Variants in SMAD2 observed in about 807,000 individuals in gnomAD.
SMAD2 encodes the protein MAD homolog 2.
In SMAD2, 8 loss-of-function variants were observed where a neutral mutation model predicts 64.4. The observed-to-expected ratio is 0.12, with a 90% CI of 0.07 to 0.22. The LOEUF (loss-of-function observed/expected upper bound fraction) is 0.22, where lower values mean the gene tolerates loss of function less well. SMAD2 is among the 10% of genes least tolerant of loss of function. SMAD2 has a pLI of 1.00. For synonymous variants in SMAD2, 203 were observed against 195.8 expected (o/e 1.04, Z -0.31); for missense variants, 289 against 561.2 (o/e 0.51, Z 4.90).
At chr18:47,856,268 A>G (rs2030672085) in intron 6 of SMAD2, among the ~76,000 whole-genome samples, 1 of 152,146 alleles carries the variant, frequency 6.6e-6, no homozygotes, top group Admixed American at 6.5e-5. Flanking sequence ...CCAGAGATCT[A>G]ATGTACAACC....
At chr18:47,874,228 T>C (rs1225075651) in intron 2 of SMAD2, among the ~76,000 whole-genome samples, 1 of 152,184 alleles carries the variant, frequency 6.6e-6, no homozygotes, top group East Asian at 1.9e-4. Context: ...CTAAGGATCT[T>C]GAATAGCAAA....
intron 6 of SMAD2, among the ~76,000 whole-genome samples, chr18:47,853,684 G>C (rs1269610099): frequency 6.6e-6 from 1 of 152,120 alleles, no homozygotes; most frequent in African/African-American, 2.4e-5. Context: ...TTAGTTTTTA[G>C]AAGACAGTAC....
chr18:47,850,511 TATAA>T (rs1424619540), intron 7 of SMAD2, among the ~76,000 whole-genome samples: 1 of 34,544 alleles, frequency 2.9e-5, no homozygotes, highest in Non-Finnish European at 4.5e-5. Flanking sequence ...ATGTTATATA[TATAA>T]TATATATTAT....
At position 47,822,731 on chromosome 18, in the gene SMAD2, A is replaced by G. The variant is rs1792663; in HGVS notation, c.*19096T>C. The G allele has an allele frequency of 0.46, 70,367 of 152,200 alleles. 16,948 individuals carry two copies. The highest frequency in any genetic ancestry group is 0.59 in the East Asian group (3,046 of 5,176). The allele number at this position is 152,200 out of a possible 1,614,324, so 9.4% of individuals were successfully genotyped here. On this transcript the variant is annotated 3_prime_UTR_variant, in exon 11 of 11. Transcript: ENST00000262160. ...GTCTCGCTCTGTTGCCCCAGCTGGA[A>G]TGCAGTGGCACGATCTTGTTTCAGT... is the stretch of plus-strand genomic sequence containing the variant.
rs1163183069 is a variant in SMAD2, at chr18:47,813,212, A to AAAATAACT, written c.*28607_*28614dup. On this transcript the variant is annotated 3_prime_UTR_variant, in exon 11 of 11. Transcript: ENST00000262160. ...GCCTGAGTGATGAAACTTGGTCTCA[A>AAAATAACT]AAATAACTAAATAACTAAATAAAAT... 2 of 152,086 alleles carry AAAATAACT rather than the reference A, an allele frequency of 1.3e-5. No individual in the cohort carries two copies. Among genetic ancestry groups the AAAATAACT allele is most frequent in the East Asian group, 1.9e-4 (1 of 5,192 alleles). 9.4% of individuals were successfully genotyped at this position (152,086 alleles called of 1,614,324 possible). A position where few individuals can be genotyped will look rare whatever the true frequency, so the allele number is the denominator to read the frequency against.
Position 47,853,838 on chromosome 18 carries a change from C to G in SMAD2, c.731-2511G>C, listed in dbSNP as rs563794655. Among the ~76,000 whole-genome samples the G allele has an allele frequency of 6.6e-5, 10 of 152,208 alleles. 1 individual carries two copies. The South Asian group carries it at 2.1e-3, about 32-fold the overall frequency. On this transcript the variant is annotated intron_variant, in intron 6 of 10. Transcript: ENST00000262160. ...AAGATAGGTCAAAACATATTTGGAA[C>G]AATGAGCTAAAATTCACTGCTGTTT...
chr18:47,901,762 G>C (rs190127714), intron 1 of SMAD2, among the ~76,000 whole-genome samples: 228 of 152,250 alleles, frequency 1.5e-3, no homozygotes, highest in African/African-American at 5.4e-3. Flanking sequence ...AGACTCTGCA[G>C]AGCCTTCATT....
chr18:47,881,258 T>A (rs181138679), intron 2 of SMAD2, among the ~76,000 whole-genome samples: 12 of 152,312 alleles, frequency 7.9e-5, no homozygotes, highest in Admixed American at 6.5e-4. Context: ...CACAACTCCC[T>A]CTTCATTTGT....
At position 47,869,430 on chromosome 18, in the gene SMAD2, A is replaced by C. The variant is rs1000681029; in HGVS notation, c.333T>G (p.Leu111=). ...GATGGGATACCTGGAGACGACCATC[A>C]AGAGACCTGTTGGGAAGCAAGGGGA... The part of the protein sequence containing the change: ...LYSFSEQTRS[L]DGRLQVSHRK... Residue 111 remains leucine, a synonymous_variant, in exon 4 of 11, where the codon CTT becomes CTG. Transcript: ENST00000262160. 11 of 1,612,508 alleles carry C rather than the reference A, an allele frequency of 6.8e-6. No homozygotes were observed. The highest frequency in any genetic ancestry group is 1.3e-5 in the African/African-American group (1 of 74,702).
chr18:47,840,793 T>C lies in SMAD2; in HGVS notation c.*1034A>G, dbSNP rs1024174861. The C allele has an allele frequency of 5.2e-5, 12 of 231,510 alleles. No individual in the cohort carries two copies. Among genetic ancestry groups the C allele is most frequent in the African/African-American group, 2.4e-4 (11 of 45,280 alleles). 14.3% of individuals were successfully genotyped at this position (231,510 alleles called of 1,614,324 possible). On this transcript the variant is annotated 3_prime_UTR_variant, in exon 11 of 11. Transcript: ENST00000262160. ...AATACCTTTGGAAAAACGGTATTTA[T>C]AGATTAGCTTTTTTAAAAAGGGATA...
chr18:47,897,509 CTGTTT>C (rs2033493452), intron 1 of SMAD2, among the ~76,000 whole-genome samples: 1 of 152,170 alleles, frequency 6.6e-6, no homozygotes, highest in Admixed American at 6.5e-5. Flanking sequence ...TTTTATTAAG[CTGTTT>C]TGTCTATTCA....
intron 8 of SMAD2, among the ~76,000 whole-genome samples, chr18:47,848,076 G>A (rs1352197133): frequency 6.6e-6 from 1 of 151,628 alleles, no homozygotes; most frequent in Non-Finnish European, 1.5e-5. Context: ...ACTCACCAAA[G>A]GGGGAAAAAA....
intron 6 of SMAD2, among the ~76,000 whole-genome samples, chr18:47,855,799 G>GT (rs963295702): frequency 1.3e-5 from 2 of 151,938 alleles, no homozygotes; most frequent in African/African-American, 4.8e-5. Flanking sequence ...TTTCAGTTTT[G>GT]TTTTTTAATT....
chr18:47,904,751 T>G (rs1343816079), intron 1 of SMAD2, among the ~76,000 whole-genome samples: 1 of 152,194 alleles, frequency 6.6e-6, no homozygotes, highest in Non-Finnish European at 1.5e-5. Flanking sequence ...TCATTTATAG[T>G]ACAAAGGAGA....
rs975417831 is a variant in SMAD2, at chr18:47,813,468, G to T, written c.*28359C>A. Reference sequence around the variant, plus strand: ...GTCACCCAGGCTGGAGTGCAGTGGCGCAATCTCGGCTCACTGCAACCTCTG... The same window carrying T: ...GTCACCCAGGCTGGAGTGCAGTGGCTCAATCTCGGCTCACTGCAACCTCTG... On this transcript the variant is annotated 3_prime_UTR_variant, in exon 11 of 11. Transcript: ENST00000262160. The T allele has an allele frequency of 6.8e-6, 1 of 147,430 alleles. No individual in the cohort carries two copies. The highest frequency in any genetic ancestry group is 2.5e-5 in the African/African-American group (1 of 39,914). 9.1% of individuals were successfully genotyped at this position (147,430 alleles called of 1,614,324 possible). A position where few individuals can be genotyped will look rare whatever the true frequency, so the allele number is the denominator to read the frequency against.
At chr18:47,919,746 T>C (rs1014025840) in intron 1 of SMAD2, among the ~76,000 whole-genome samples, 1 of 152,014 alleles carries the variant, frequency 6.6e-6, no homozygotes, top group Non-Finnish European at 1.5e-5. Flanking sequence ...AAATGATAAA[T>C]GGATGGGGGT....
At chr18:47,851,662 C>A (rs1396281988) in intron 6 of SMAD2, among the ~76,000 whole-genome samples, 3 of 152,082 alleles carry the variant, frequency 2.0e-5, no homozygotes, top group Non-Finnish European at 4.4e-5. Context: ...TGTGTCCTTT[C>A]TTTTCATATA....
rs147824515 is a variant in SMAD2, at chr18:47,867,543, G to A, written c.655+780C>T. ...ATATTACAAAAGGAAGAAAGAAATCGAGACACTACAGCTTAATCCTCATCC... is the reference window on the plus strand; with the variant it reads ...ATATTACAAAAGGAAGAAAGAAATCAAGACACTACAGCTTAATCCTCATCC... On this transcript the variant is annotated intron_variant, in intron 5 of 10. Transcript: ENST00000262160. Among the ~76,000 whole-genome samples, 268 of 151,338 alleles carry A rather than the reference G, an allele frequency of 1.8e-3. 1 individual carries two copies. The highest frequency in any genetic ancestry group is 6.2e-3 in the African/African-American group (258 of 41,358).
Position 47,819,030 on chromosome 18 carries a change from C to T in SMAD2, c.*22797G>A, listed in dbSNP as rs148242868. 14 of 152,258 alleles carry T rather than the reference C, an allele frequency of 9.2e-5. No individual in the cohort carries two copies. Among genetic ancestry groups the T allele is most frequent in the East Asian group, 1.9e-4 (1 of 5,184 alleles). 9.4% of individuals were successfully genotyped at this position (152,258 alleles called of 1,614,324 possible). A position where few individuals can be genotyped will look rare whatever the true frequency, so the allele number is the denominator to read the frequency against. On this transcript the variant is annotated 3_prime_UTR_variant, in exon 11 of 11. Coordinates refer to ENST00000262160, the MANE Select transcript of SMAD2 (RefSeq NM_005901.6). Reference sequence around the variant, plus strand: ...ATATATATGTTGTATGTTGTGTCTACGTGGTAAAATCTGGCAGTTGGCCAC... The same window carrying T: ...ATATATATGTTGTATGTTGTGTCTATGTGGTAAAATCTGGCAGTTGGCCAC...
Sources: gnomAD v4.1 joint callset for allele counts (sites outside exome capture counted in the v4.1 genomes callset) on GRCh38, gnomAD v4.1.1 for gene constraint, MANE v1.5 for transcripts, NCBI Gene and HGNC (gene_info 2026-07-23, HGNC 2026-07-21) for gene names.